Variants in PAQR6 observed in about 807,000 individuals in gnomAD.
PAQR6 encodes the protein progestin and adipoQ receptor family member 6.
PAQR6 carries 34 observed loss-of-function variants against 36.2 expected under a neutral mutation model. The observed-to-expected ratio is 0.94, with a 90% CI of 0.71 to 1.25. The LOEUF is 1.25. Among genes scored for constraint, PAQR6 ranks in the 50% most tolerant of loss-of-function variants. The probability of loss-of-function intolerance (pLI) is 0.00; values close to 1 mark genes in which losing one functional copy is unlikely to be tolerated. For missense variants in PAQR6, 431 were observed against 445.7 expected (o/e 0.97, Z 0.30); for synonymous variants, 190 against 190.7 (o/e 1.00, Z 0.03).
rs775512023 is a variant in PAQR6, at chr1:156,243,679, T to TG, written c.*449dup. On this transcript the variant is annotated 3_prime_UTR_variant, in exon 8 of 8. Transcript: ENST00000292291. ...ACTGGCATTACCTGGTTTGTGGGGA[T>TG]GGGGGGGCAAGTGTGTGGCCTCTCG... The TG allele has an allele frequency of 1.1e-4, 84 of 751,958 alleles. No homozygotes were observed. The highest frequency in any genetic ancestry group is 1.5e-4 in the Admixed American group (6 of 39,420). 46.6% of individuals were successfully genotyped at this position (751,958 alleles called of 1,614,324 possible). A position where few individuals can be genotyped will look rare whatever the true frequency, so the allele number is the denominator to read the frequency against.
In PAQR6 at chr1:156,246,692, G is replaced by C. The variant is rs1375057000; in HGVS notation, c.40C>G (p.Gln14Glu). 1.9e-6 allele frequency: 3 copies of C among 1,613,748 alleles called. No homozygotes were observed. The African/African-American group carries it at 4.0e-5, about 22-fold the overall frequency. Residue 14 changes from glutamine (Q) to glutamate (E), a missense_variant, in exon 2 of 8, where the codon CAG becomes GAG. Coordinates refer to ENST00000292291, the MANE Select transcript of PAQR6 (RefSeq NM_198406.3). ...GTGGAGCCCCTCACCCGGGGGACCT[G>C]GTGGACTTGAAGAAGTTGGGGCAGC... ...LKLPQLLQVHQVPRVFWEDGI... is the reference protein window; with the variant it reads ...LKLPQLLQVHEVPRVFWEDGI...
Position 156,245,948 on chromosome 1 carries a change from G to A in PAQR6, c.219C>T (p.Pro73=), listed in dbSNP as rs1327271934. The part of the protein sequence containing the change: ...LWRLLALAGG[P]GFRAEPYHWP... ...AGTGGTACGGCTCCGCACGGAAGCC[G>A]GGGCCGCCCGCCAGCGCCAGGAGCC... The change falls in exon 4 of 8, where the codon CCC becomes CCT. Residue 73 remains proline (P), a synonymous_variant. Transcript: ENST00000292291. The A allele has an allele frequency of 3.3e-6, 5 of 1,534,048 alleles. No individual in the cohort carries two copies. The highest frequency in any genetic ancestry group is 4.4e-6 in the Non-Finnish European group (5 of 1,143,164).
chr1:156,246,395 A>G (rs1424846867), intron 2 of PAQR6, 145 bp from the exon 3 acceptor site: 1 of 796,594 alleles, frequency 1.3e-6, no homozygotes, highest in East Asian at 2.6e-5. Flanking sequence ...ATGTTACCAC[A>G]GGTCCCAGTA....
At chr1:156,246,401 C>G in intron 2 of PAQR6, 151 bp from the exon 3 acceptor site, 1 of 793,944 alleles carries the variant, frequency 1.3e-6, no homozygotes, top group Non-Finnish European at 2.0e-6. Context: ...CCACAGGTCC[C>G]AGTACCCACA....
chr1:156,245,784 A>G lies in PAQR6; in HGVS notation c.383T>C (p.Leu128Pro). 1 of 1,594,396 alleles carries G rather than the reference A, an allele frequency of 6.3e-7. No individual in the cohort carries two copies. Among genetic ancestry groups the G allele is most frequent in the South Asian group, 1.1e-5 (1 of 88,774 alleles). The change falls in exon 4 of 8, where the codon CTG becomes CCG. Residue 128 changes from leucine (L) to proline (P), a missense_variant and splice_region_variant. Transcript: ENST00000292291. ...LDYGALSLYS[L>P]GCAFPYAAYS... is the part of the protein sequence containing the mutation. ...GCTCCCGCGCCTGTCCGGCTCACCC[A>G]GACTGTAGAGGCTGAGCGCGCCGTA...
chr1:156,245,571 T>C lies in PAQR6; in HGVS notation c.476A>G (p.Asn159Ser). The change falls in exon 5 of 8, where the codon AAC becomes AGC. Residue 159 changes from asparagine (N) to serine (S), a missense_variant. Transcript: ENST00000292291. ...HQFFVPAAALNSFLCTGLSCY... is the reference protein window; with the variant it reads ...HQFFVPAAALSSFLCTGLSCY... ...GGAGAGGCCGGTGCACAGGAAGGAG[T>C]TGAGTGCGGCGGCAGGCACAAAGAA... The C allele has an allele frequency of 6.2e-7, 1 of 1,610,128 alleles. No individual in the cohort carries two copies. Among genetic ancestry groups the C allele is most frequent in the South Asian group, 1.1e-5 (1 of 90,856 alleles).
chr1:156,246,977 CTG>C (rs1660625613), intron 1 of PAQR6, among the ~76,000 whole-genome samples: 1 of 152,192 alleles, frequency 6.6e-6, no homozygotes, highest in Non-Finnish European at 1.5e-5. Context: ...AGTCCCCACA[CTG>C]AGGGGCTTGG....
intron 2 of PAQR6, among the ~76,000 whole-genome samples, 163 bp from the exon 3 acceptor site, chr1:156,246,413 C>G (rs1443214732): frequency 6.6e-6 from 1 of 152,128 alleles, no homozygotes; most frequent in Non-Finnish European, 1.5e-5. Context: ...GTACCCACAA[C>G]CCACAAAACA....
chr1:156,247,267 T>C (rs1422323868), intron 1 of PAQR6, among the ~76,000 whole-genome samples: 1 of 152,222 alleles, frequency 6.6e-6, no homozygotes, highest in Non-Finnish European at 1.5e-5. Context: ...GGCTTTTCTC[T>C]GAGGACTACA....
intron 6 of PAQR6, 67 bp from the exon 7 acceptor site, chr1:156,244,978 T>A: frequency 6.3e-7 from 1 of 1,596,688 alleles, no homozygotes; most frequent in Non-Finnish European, 8.5e-7. Flanking sequence ...GTGTCTGGGA[T>A]CTGGTGAGGA....
Position 156,245,954 on chromosome 1 carries a change from G to A in PAQR6, c.213C>T (p.Gly71=), listed in dbSNP as rs1270388064. The change falls in exon 4 of 8, where the codon GGC becomes GGT. Residue 71 remains glycine (G), a synonymous_variant. Transcript: ENST00000292291. Reference sequence around the variant, plus strand: ...ACGGCTCCGCACGGAAGCCGGGGCCGCCCGCCAGCGCCAGGAGCCGCCACA... The same window carrying A: ...ACGGCTCCGCACGGAAGCCGGGGCCACCCGCCAGCGCCAGGAGCCGCCACA... The part of the protein sequence containing the change: ...YFLWRLLALA[G]GPGFRAEPYH... 6 of 1,527,694 alleles carry A rather than the reference G, an allele frequency of 3.9e-6. No individual in the cohort carries two copies. The East Asian group carries it at 1.2e-4, about 31-fold the overall frequency. 94.6% of individuals were successfully genotyped at this position (1,527,694 alleles called of 1,614,324 possible).
rs1369410577 is a variant in PAQR6 at position 156,243,835 on chromosome 1, A to AC, written c.*293dup. Reference sequence around the variant, plus strand: ...AGGACCCCAACACCTCCCCCCGCCAACCTTTGACAGAATATAGGGGCATCT... The same window carrying AC: ...AGGACCCCAACACCTCCCCCCGCCAACCCTTTGACAGAATATAGGGGCATCT... On this transcript the variant is annotated 3_prime_UTR_variant, in exon 8 of 8. Transcript: ENST00000292291. The AC allele has an allele frequency of 2.6e-6, 4 of 1,549,926 alleles. No homozygotes were observed. The South Asian group carries it at 3.6e-5, about 14-fold the overall frequency.
At chr1:156,244,604 C>A in intron 7 of PAQR6, 157 bp downstream of exon 7, 1 of 1,473,418 alleles carries the variant, frequency 6.8e-7, no homozygotes, top group South Asian at 1.4e-5. Context: ...AGGTGGAGGA[C>A]CCTTCCAGTG....
intron 1 of PAQR6, 61 bp downstream of exon 1, chr1:156,247,896 C>A: frequency 2.5e-6 from 1 of 397,946 alleles, no homozygotes; most frequent in South Asian, 1.9e-5. Flanking sequence ...GGAGGGGTGG[C>A]TGGAGCAAGA....
rs1223733304 is a variant in PAQR6, at chr1:156,246,672, G to A, written c.51+9C>T. The A allele has an allele frequency of 3.1e-6, 5 of 1,613,382 alleles. No homozygotes were observed. Among genetic ancestry groups the A allele is most frequent in the East Asian group, 4.5e-5 (2 of 44,854 alleles). ...GGGGGTTGGTGGGTCAGTGGGTGGAGCCCCTCACCCGGGGGACCTGGTGGA... is the reference window on the plus strand; with the variant it reads ...GGGGGTTGGTGGGTCAGTGGGTGGAACCCCTCACCCGGGGGACCTGGTGGA... On this transcript the variant is annotated intron_variant, in intron 2 of 7. Coordinates refer to ENST00000292291, the MANE Select transcript of PAQR6 (RefSeq NM_198406.3).
At chr1:156,246,063 G>T in intron 3 of PAQR6, 60 bp downstream of exon 3, 1 of 1,603,264 alleles carries the variant, frequency 6.2e-7, no homozygotes, top group Non-Finnish European at 8.5e-7. Context: ...GACGGTCCCT[G>T]CCCGCCTGGG....
intron 2 of PAQR6, 96 bp downstream of exon 2, chr1:156,246,585 G>T: frequency 7.3e-7 from 1 of 1,378,612 alleles, no homozygotes; most frequent in Non-Finnish European, 1.0e-6. Context: ...TCGCCTGCAG[G>T]AGGGGCTGCC....
chr1:156,244,222 A>G lies in PAQR6; in HGVS notation c.942T>C (p.Ala314=). The G allele has an allele frequency of 6.2e-7, 1 of 1,613,752 alleles. No homozygotes were observed. Residue 314 remains alanine (A), a synonymous_variant, in exon 8 of 8, where the codon GCT becomes GCC. Transcript: ENST00000292291. ...CCCGAAGCAGGGTGGCTGTGAAAGC[A>G]GCAATAATGAGTAGGTTCCCAGCTG... ...LAAAGNLLII[A]AFTATLLRAP...
At chr1:156,246,036 T>A in intron 3 of PAQR6, 49 bp from the exon 4 acceptor site, 2 of 1,592,614 alleles carry the variant, frequency 1.3e-6, no homozygotes, top group South Asian at 2.2e-5. Context: ...CGACTGCCGC[T>A]GCAGCCCGTG....
Sources: gnomAD v4.1 joint callset for allele counts (sites outside exome capture counted in the v4.1 genomes callset) on GRCh38, gnomAD v4.1.1 for gene constraint, MANE v1.5 for transcripts, NCBI Gene and HGNC (gene_info 2026-07-23, HGNC 2026-07-21) for gene names.